Variants in HOMER1 observed in about 807,000 individuals in gnomAD.
HOMER1 encodes homer protein homolog 1.
In HOMER1, 3 loss-of-function variants were observed where a neutral mutation model predicts 48.9. The observed-to-expected ratio is 0.06, with a 90% CI of 0.03 to 0.16. HOMER1 has a LOEUF of 0.16. Ranked by LOEUF, HOMER1 falls within the 10% of genes least tolerant of loss-of-function variation. HOMER1 has a pLI of 1.00. For missense variants in HOMER1, 247 were observed against 411.4 expected, an observed-to-expected ratio of 0.60 and a Z score of 3.46; for synonymous variants, 134 against 146.4, an observed-to-expected ratio of 0.92 and a Z score of 0.61.
chr5:79,385,610 G>A (rs890584770), intron 8 of HOMER1, among the ~76,000 whole-genome samples: 12 of 152,086 alleles, frequency 7.9e-5, no homozygotes, highest in African/African-American at 2.9e-4. Flanking sequence ...GGGAGACTGA[G>A]GCAGGTGGAT....
intron 1 of HOMER1, among the ~76,000 whole-genome samples, chr5:79,496,136 G>C (rs1371447697): frequency 2.0e-5 from 3 of 152,184 alleles, no homozygotes; most frequent in Admixed American, 1.3e-4. Flanking sequence ...TGCAAAGAGG[G>C]AACTAAGTGA....
rs201455923 is a variant in HOMER1, at chr5:79,448,976, T to TA, written c.295-1832dup. On this transcript the variant is annotated intron_variant, in intron 3 of 8. Transcript: ENST00000334082. ...GCTAACTTTAAAGAAGAAAAAAAATTAAAAAAAAAAAGCCATTCTCAGAGA... is the reference window on the plus strand; with the variant it reads ...GCTAACTTTAAAGAAGAAAAAAAATTAAAAAAAAAAAAGCCATTCTCAGAGA... Among the ~76,000 whole-genome samples, 250 of 142,588 alleles carry TA rather than the reference T, an allele frequency of 1.8e-3. 10 individuals carry two copies. In the South Asian group the frequency reaches 0.025, roughly 14 times the overall value. 93.5% of individuals were successfully genotyped at this position (142,588 alleles called of 152,430 possible).
intron 3 of HOMER1, 46 bp from the exon 4 acceptor site, chr5:79,447,191 A>G: frequency 8.7e-7 from 1 of 1,149,820 alleles, no homozygotes. Flanking sequence ...AAAATAGGTC[A>G]CAGTGCCCAC....
Position 79,487,184 on chromosome 5 carries a change from C to A in HOMER1, c.5+25586G>T, listed in dbSNP as rs553188648. Among the ~76,000 whole-genome samples the A allele has an allele frequency of 6.8e-4, 103 of 152,248 alleles. 1 individual carries two copies. Among genetic ancestry groups the A allele is most frequent in the Non-Finnish European group, 5.6e-4 (38 of 68,020 alleles). On this transcript the variant is annotated intron_variant, in intron 1 of 8. Coordinates refer to ENST00000334082, the MANE Select transcript of HOMER1 (RefSeq NM_004272.5). Reference sequence around the variant, plus strand: ...GTCCCAGCTACTCAGGAGGCTGAGGCAGGAGAATCGCTTGAACCCGGGAGG... The same window carrying A: ...GTCCCAGCTACTCAGGAGGCTGAGGAAGGAGAATCGCTTGAACCCGGGAGG...
At chr5:79,454,011 T>C (rs562223403) in intron 2 of HOMER1, among the ~76,000 whole-genome samples, 19 of 152,316 alleles carry the variant, frequency 1.2e-4, no homozygotes, top group African/African-American at 4.1e-4. Flanking sequence ...CTACAGAAGA[T>C]AGATTTTGTT....
intron 5 of HOMER1, among the ~76,000 whole-genome samples, chr5:79,425,116 C>A (rs932795661): frequency 6.6e-5 from 10 of 151,900 alleles, no homozygotes; most frequent in Non-Finnish European, 1.5e-4. Context: ...CAGTCAGGGA[C>A]TATTTGCATC....
At chr5:79,435,615 A>T (rs1321975591) in intron 5 of HOMER1, among the ~76,000 whole-genome samples, 1 of 152,122 alleles carries the variant, frequency 6.6e-6, no homozygotes, top group Non-Finnish European at 1.5e-5. Flanking sequence ...GTGGATCATG[A>T]GGTCAGGAGA....
chr5:79,462,136 T>C (rs555479889), intron 1 of HOMER1, among the ~76,000 whole-genome samples: 89 of 151,710 alleles, frequency 5.9e-4, no homozygotes, highest in African/African-American at 2.2e-3. Context: ...GAGACGGAGG[T>C]TGCAGTGAGC....
chr5:79,451,716 C>G (rs945301312), intron 2 of HOMER1, among the ~76,000 whole-genome samples: 7 of 151,800 alleles, frequency 4.6e-5, no homozygotes, highest in Admixed American at 4.6e-4. Flanking sequence ...CAGGCGCCCA[C>G]TACCACGCCC....
chr5:79,468,054 G>A (rs181156551), intron 1 of HOMER1, among the ~76,000 whole-genome samples: 1 of 152,208 alleles, frequency 6.6e-6, no homozygotes, highest in East Asian at 1.9e-4. Flanking sequence ...GCGATTAAAG[G>A]TATGAGCCAC....
chr5:79,435,781 A>G (rs983926192), intron 5 of HOMER1, among the ~76,000 whole-genome samples: 1 of 151,334 alleles, frequency 6.6e-6, no homozygotes, highest in South Asian at 2.1e-4. Flanking sequence ...CAGTGAGCCA[A>G]GATTGAGCCA....
At chr5:79,483,063 G>A (rs973714019) in intron 1 of HOMER1, among the ~76,000 whole-genome samples, 1 of 151,730 alleles carries the variant, frequency 6.6e-6, no homozygotes. Flanking sequence ...CTACTATAAA[G>A]CCATAGATCT....
intron 1 of HOMER1, among the ~76,000 whole-genome samples, chr5:79,497,308 T>A (rs1245750839): frequency 4.0e-5 from 6 of 151,714 alleles, no homozygotes; most frequent in Admixed American, 2.6e-4. Flanking sequence ...AGTAATCAGG[T>A]TTAAAAAGAT....
At chr5:79,412,704 T>C (rs1749841549) in intron 5 of HOMER1, among the ~76,000 whole-genome samples, 1 of 152,226 alleles carries the variant, frequency 6.6e-6, no homozygotes, top group Non-Finnish European at 1.5e-5. Context: ...CAAGACCCAG[T>C]GTCTCATAAC....
chr5:79,479,860 C>A (rs1350247327), intron 1 of HOMER1, among the ~76,000 whole-genome samples: 1 of 151,908 alleles, frequency 6.6e-6, no homozygotes, highest in South Asian at 2.1e-4. Flanking sequence ...ATAGAATTAC[C>A]GAAAACCAGC....
At chr5:79,406,682 A>G (rs1005136893) in intron 5 of HOMER1, among the ~76,000 whole-genome samples, 1 of 152,376 alleles carries the variant, frequency 6.6e-6, no homozygotes, top group African/African-American at 2.4e-5. Context: ...CTTAACCTGG[A>G]TTCAGGTGAA....
intron 5 of HOMER1, among the ~76,000 whole-genome samples, chr5:79,425,151 T>A (rs1041064342): frequency 6.6e-6 from 1 of 151,840 alleles, no homozygotes; most frequent in African/African-American, 2.4e-5. Context: ...AAATTGTAGA[T>A]CCTCTTCTTC....
At chr5:79,441,606 CAAA>C (rs1254799324) in intron 4 of HOMER1, among the ~76,000 whole-genome samples, 1 of 151,998 alleles carries the variant, frequency 6.6e-6, no homozygotes, top group Non-Finnish European at 1.5e-5. Flanking sequence ...AAGTAAAAAA[CAAA>C]AAGCCCACCC....
At chr5:79,399,333 T>C (rs1457425347) in intron 6 of HOMER1, among the ~76,000 whole-genome samples, 3 of 152,182 alleles carry the variant, frequency 2.0e-5, no homozygotes, top group African/African-American at 7.2e-5. Flanking sequence ...CTGAGAAGCC[T>C]GAGAATTTTA....
Sources: gnomAD v4.1 joint callset for allele counts (sites outside exome capture counted in the v4.1 genomes callset) on GRCh38, gnomAD v4.1.1 for gene constraint, MANE v1.5 for transcripts, NCBI Gene and HGNC (gene_info 2026-07-23, HGNC 2026-07-21) for gene names.